ACBD6: variants seen among roughly 807,000 people sequenced by gnomAD.
ACBD6 encodes the protein acyl-CoA-binding domain-containing protein 6.
In ACBD6, 28 loss-of-function variants were observed where a neutral mutation model predicts 37.2. That is an observed-to-expected ratio of 0.75 (90% confidence interval 0.56 to 1.03). The LOEUF is 1.03. Among genes scored for constraint, ACBD6 ranks in the 50% least tolerant of loss-of-function variants. The pLI is 0.00. For missense variants in ACBD6, 340 were observed against 337.4 expected (o/e 1.01, Z -0.06); for synonymous variants, 113 against 126.8 (o/e 0.89, Z 0.73).
intron 1 of ACBD6, among the ~76,000 whole-genome samples, chr1:180,499,194 CA>C (rs1207116483): frequency 6.6e-6 from 1 of 152,110 alleles, no homozygotes; most frequent in African/African-American, 2.4e-5. Context: ...ATTCTGAATA[CA>C]AAACGTTATT....
chr1:180,296,471 C>G (rs1260036796), intron 7 of ACBD6, among the ~76,000 whole-genome samples: 1 of 152,072 alleles, frequency 6.6e-6, no homozygotes, highest in East Asian at 1.9e-4. Flanking sequence ...ACTCTGTCGC[C>G]CAGGTTGGAG....
At chr1:180,274,334 AT>A (rs1377324471) in intron 10 of ACBD6, 1 of 1,614,034 alleles carries the variant, frequency 6.2e-7, no homozygotes, top group African/African-American at 1.3e-5. Flanking sequence ...CCCCTATGGA[AT>A]CCCCCAGTCT....
At chr1:180,380,185 C>T (rs185672640) in intron 6 of ACBD6, among the ~76,000 whole-genome samples, 9 of 152,132 alleles carry the variant, frequency 5.9e-5, no homozygotes, top group Admixed American at 2.6e-4. Flanking sequence ...TGCTTGAGCC[C>T]GGGAAATCAT....
chr1:180,299,983 C>T (rs920651874), intron 7 of ACBD6, among the ~76,000 whole-genome samples: 13 of 152,036 alleles, frequency 8.6e-5, no homozygotes, highest in Non-Finnish European at 1.5e-4. Flanking sequence ...CTAGTAAGGA[C>T]GTACAGTAGT....
At chr1:180,390,578 A>G (rs938058293) in intron 6 of ACBD6, among the ~76,000 whole-genome samples, 1 of 152,096 alleles carries the variant, frequency 6.6e-6, no homozygotes, top group Non-Finnish European at 1.5e-5. Context: ...CATTGAATCT[A>G]TAAATTACCT....
chr1:180,308,385 CTGGACG>C (rs1212721773), intron 7 of ACBD6, among the ~76,000 whole-genome samples: 4 of 152,166 alleles, frequency 2.6e-5, no homozygotes, highest in African/African-American at 9.7e-5. Flanking sequence ...GGGCTTCATT[CTGGACG>C]AACTTTGTAC....
intron 6 of ACBD6, among the ~76,000 whole-genome samples, chr1:180,315,353 T>C (rs1004836876): frequency 9.2e-5 from 14 of 152,326 alleles, no homozygotes; most frequent in Non-Finnish European, 1.5e-4. Flanking sequence ...CTATTAATTG[T>C]AGTGCAGTTG....
At chr1:180,311,331 C>T (rs1043934876) in intron 7 of ACBD6, among the ~76,000 whole-genome samples, 1 of 152,146 alleles carries the variant, frequency 6.6e-6, no homozygotes, top group Non-Finnish European at 1.5e-5. Context: ...GTCTCTGATC[C>T]AAAAGTTTTG....
At chr1:180,437,128 C>CT (rs901381623) in intron 3 of ACBD6, among the ~76,000 whole-genome samples, 13 of 152,292 alleles carry the variant, frequency 8.5e-5, no homozygotes, top group African/African-American at 3.1e-4. Flanking sequence ...TGCAGTTTGG[C>CT]TTTTTTCCCT....
At chr1:180,500,829 T>TAA (rs397982142) in intron 1 of ACBD6, among the ~76,000 whole-genome samples, 32 of 111,752 alleles carry the variant, frequency 2.9e-4, no homozygotes, top group African/African-American at 9.0e-4. Flanking sequence ...AGACCCTCTG[T>TAA]AAAAAAAAAA....
intron 1 of ACBD6, among the ~76,000 whole-genome samples, chr1:180,500,630 G>A (rs1430767631): frequency 6.6e-6 from 1 of 150,526 alleles, no homozygotes; most frequent in African/African-American, 2.5e-5. Flanking sequence ...GGAGGTAGAG[G>A]TTGCAGTGAG....
intron 3 of ACBD6, among the ~76,000 whole-genome samples, chr1:180,431,158 T>G (rs1486350187): frequency 2.4e-5 from 3 of 122,578 alleles, no homozygotes; most frequent in Admixed American, 9.4e-5. Flanking sequence ...ACGAGTTTTG[T>G]TTTGTTTTTT....
At chr1:180,300,019 C>T (rs1056267141) in intron 7 of ACBD6, among the ~76,000 whole-genome samples, 8 of 152,164 alleles carry the variant, frequency 5.3e-5, no homozygotes, top group African/African-American at 1.9e-4. Flanking sequence ...AGTTAACCTG[C>T]GATTGGCTCT....
intron 6 of ACBD6, among the ~76,000 whole-genome samples, chr1:180,337,678 A>G (rs1490912648): frequency 6.6e-6 from 1 of 152,218 alleles, no homozygotes; most frequent in Admixed American, 6.5e-5. Flanking sequence ...AAAAGGAAAT[A>G]AAGGGTATTC....
At chr1:180,422,802 A>G (rs766372979) in intron 4 of ACBD6, among the ~76,000 whole-genome samples, 13 of 152,222 alleles carry the variant, frequency 8.5e-5, no homozygotes, top group Non-Finnish European at 1.8e-4. Context: ...CTGGAGGGAC[A>G]AACTGCTCAC....
intron 3 of ACBD6, among the ~76,000 whole-genome samples, chr1:180,444,972 T>C (rs769434448): frequency 2.8e-4 from 42 of 152,362 alleles, no homozygotes; most frequent in Non-Finnish European, 5.0e-4. Context: ...CTTGCTTCTG[T>C]GTGCTACCTT....
chr1:180,331,494 T>C (rs1244707808), intron 6 of ACBD6, among the ~76,000 whole-genome samples: 3 of 152,210 alleles, frequency 2.0e-5, no homozygotes, highest in Non-Finnish European at 4.4e-5. Flanking sequence ...TCATAGGACT[T>C]TGCCAACTCT....
chr1:180,276,915 C>T (rs538657500), intron 9 of ACBD6: 1 of 152,220 alleles, frequency 6.6e-6, no homozygotes, highest in South Asian at 2.1e-4. Flanking sequence ...GTTAATCATA[C>T]TAATTCCCAG....
intron 6 of ACBD6, among the ~76,000 whole-genome samples, chr1:180,362,445 G>GA (rs1246163514): frequency 6.6e-6 from 1 of 151,504 alleles, no homozygotes; most frequent in East Asian, 1.9e-4. Flanking sequence ...AACAGGATGG[G>GA]AAAAAAAAGA....
Sources: allele counts gnomAD v4.1 joint callset (sites outside exome capture counted in the v4.1 genomes callset), GRCh38; gene constraint gnomAD v4.1.1; transcripts MANE v1.5; gene names NCBI Gene and HGNC (gene_info 2026-07-23, HGNC 2026-07-21).